Variants in DNAH3 observed in about 807,000 individuals in gnomAD.
DNAH3 encodes the protein axonemal beta dynein heavy chain 3.
Under a neutral mutation model 432.5 loss-of-function variants are expected in DNAH3, and 332 were observed. The observed-to-expected ratio is 0.77, with a 90% CI of 0.70 to 0.84. DNAH3 has a LOEUF of 0.84. Among genes scored for constraint, DNAH3 ranks in the 40% least tolerant of loss-of-function variants. DNAH3 has a pLI of 0.00. For missense variants in DNAH3, 4,861 were observed against 5,114.0 expected (o/e 0.95, Z 1.51); for synonymous variants, 1,956 against 1,900.2 (o/e 1.03, Z -0.76).
intron 59 of DNAH3, among the ~76,000 whole-genome samples, chr16:20,940,711 C>T (rs1485439254): frequency 4.0e-5 from 6 of 151,794 alleles, no homozygotes; most frequent in East Asian, 3.9e-4. Context: ...GAATTACAGG[C>T]GTTAGCCACT....
chr16:21,141,198 G>A, intron 4 of DNAH3, 102 bp downstream of exon 5: 2 of 838,694 alleles, frequency 2.4e-6, no homozygotes, highest in East Asian at 2.8e-5. Flanking sequence ...GATTATCTGG[G>A]AATGCTTTGA....
intron 43 of DNAH3, 135 bp downstream of exon 43, chr16:21,000,089 C>T (rs911858539): frequency 9.3e-6 from 8 of 861,666 alleles, no homozygotes; most frequent in Admixed American, 8.5e-5. Flanking sequence ...GAATACTAAG[C>T]TATATTAACT....
At position 21,048,965 on chromosome 16, in the gene DNAH3, A is replaced by C. The variant is rs376295486; in HGVS notation, c.4461+604T>G. Among the ~76,000 whole-genome samples, 70 of 151,922 alleles carry C rather than the reference A, an allele frequency of 4.6e-4. 2 individuals carry two copies. In the South Asian group the frequency reaches 0.014, roughly 31 times the overall value. On this transcript the variant is annotated intron_variant, in intron 31 of 61. Coordinates refer to ENST00000261383, the Ensembl canonical transcript of DNAH3. Reference sequence around the variant, plus strand: ...TGCCTTGGCCTCCCAAAGTGCTGAAATAACAGGTGTGAGCCACCGCGCTCA... The same window carrying C: ...TGCCTTGGCCTCCCAAAGTGCTGAACTAACAGGTGTGAGCCACCGCGCTCA...
At chr16:21,038,054 T>C in intron 33 of DNAH3, 74 bp from the exon 34 acceptor site, 1 of 1,377,162 alleles carries the variant, frequency 7.3e-7, no homozygotes, top group Non-Finnish European at 1.0e-6. Flanking sequence ...CCCAATATCC[T>C]TGTCCTTGCC....
chr16:20,938,357 T>C (rs1188499444), intron 59 of DNAH3, among the ~76,000 whole-genome samples: 4 of 149,908 alleles, frequency 2.7e-5, no homozygotes, highest in Non-Finnish European at 5.9e-5. Flanking sequence ...GCCATTGCAC[T>C]CCAGCCTGGG....
At chr16:20,959,937 AC>A (rs1160092778) in intron 53 of DNAH3, among the ~76,000 whole-genome samples, 1 of 152,220 alleles carries the variant, frequency 6.6e-6, no homozygotes, top group East Asian at 1.9e-4. Context: ...AGAGGTGAGC[AC>A]ATCAAATAAC....
intron 28 of DNAH3, among the ~76,000 whole-genome samples, chr16:21,054,084 C>CACA (rs1567708502): frequency 6.6e-6 from 1 of 152,134 alleles, no homozygotes; most frequent in Non-Finnish European, 1.5e-5. Context: ...AATCACTTAG[C>CACA]ACAAAGCCTG....
intron 43 of DNAH3, among the ~76,000 whole-genome samples, chr16:20,999,278 C>A (rs973614245): frequency 8.6e-5 from 13 of 152,004 alleles, no homozygotes; most frequent in Admixed American, 7.9e-4. Context: ...AGATTTGAAA[C>A]CAGATCTGTT....
chr16:20,941,440 A>G, exon 59 of DNAH3: 3 of 1,614,122 alleles, frequency 1.9e-6, no homozygotes, highest in Non-Finnish European at 1.7e-6. Flanking sequence ...GACGGTATTC[A>G]TGGATTCTTC....
chr16:21,107,069 T>A (rs1353469510), intron 14 of DNAH3, among the ~76,000 whole-genome samples: 1 of 151,316 alleles, frequency 6.6e-6, no homozygotes, highest in Non-Finnish European at 1.5e-5. Context: ...TATGTGGGTG[T>A]CAGAGCCAAG....
chr16:21,078,127 T>C (rs2091040334), intron 20 of DNAH3, among the ~76,000 whole-genome samples: 1 of 151,466 alleles, frequency 6.6e-6, no homozygotes, highest in African/African-American at 2.4e-5. Flanking sequence ...AATACAAAAT[T>C]AGCCAGGCAT....
rs896699071 is a variant in DNAH3, at chr16:21,049,687, A to G, written c.4348-5T>C. The stretch of plus-strand genomic sequence containing the variant: ...GGAGCAGTTGAAGACCACACACTAG[A>G]AAGAGGGAGGATGTGGGTATCATTC... On this transcript the variant is annotated splice_polypyrimidine_tract_variant and splice_region_variant and intron_variant, in intron 30 of 61. Transcript: ENST00000261383. 1 of 1,612,050 alleles carries G rather than the reference A, an allele frequency of 6.2e-7. No individual in the cohort carries two copies. The highest frequency in any genetic ancestry group is 8.5e-7 in the Non-Finnish European group (1 of 1,178,242).
At chr16:21,075,663 AGCACT>A in intron 20 of DNAH3, 102 bp from the exon 21 acceptor site, 1 of 907,868 alleles carries the variant, frequency 1.1e-6, no homozygotes, top group Non-Finnish European at 1.8e-6. Context: ...CTGTAATCCC[AGCACT>A]TTGGGAGGCC....
rs75733297 is a variant in DNAH3, at chr16:20,944,357, G to T, written c.11511+139C>A. 6.9e-4 allele frequency: 653 copies of T among 940,508 alleles called. 5 individuals are homozygous for T. In the African/African-American group the frequency reaches 0.01, roughly 14 times the overall value. 58.3% of individuals were successfully genotyped at this position (940,508 alleles called of 1,614,324 possible). A position where few individuals can be genotyped will look rare whatever the true frequency, so the allele number is the denominator to read the frequency against. ...AAGGACTCCCGGCAGTAAGGCCACA[G>T]TGCTCCTTCCCTGCCCTTGGCCAGG... is the stretch of plus-strand genomic sequence containing the variant. On this transcript the variant is annotated intron_variant, in intron 58 of 61. Coordinates refer to ENST00000261383, the Ensembl canonical transcript of DNAH3.
In DNAH3 at chr16:21,083,696, A is replaced by T. The variant is rs533972669; in HGVS notation, c.2878-1969T>A. Among the ~76,000 whole-genome samples, 17 of 141,598 alleles carry T rather than the reference A, an allele frequency of 1.2e-4. No homozygotes were observed. In the South Asian group the frequency reaches 1.7e-3, roughly 14 times the overall value. 92.9% of individuals were successfully genotyped at this position (141,598 alleles called of 152,430 possible). A position where few individuals can be genotyped will look rare whatever the true frequency, so the allele number is the denominator to read the frequency against. On this transcript the variant is annotated intron_variant, in intron 19 of 61. Transcript: ENST00000261383. ...TAGACTTGAGTGCTACAGATGGCTCATCCTTCAGATCCCCCTGCCAGAGCT... is the reference window on the plus strand; with the variant it reads ...TAGACTTGAGTGCTACAGATGGCTCTTCCTTCAGATCCCCCTGCCAGAGCT...
intron 20 of DNAH3, among the ~76,000 whole-genome samples, chr16:21,076,333 G>A (rs1050016167): frequency 6.6e-6 from 1 of 152,122 alleles, no homozygotes; most frequent in Non-Finnish European, 1.5e-5. Flanking sequence ...CAAGGAGAGA[G>A]GCCTCAGAAG....
chr16:21,073,617 T>C (rs547023384), intron 21 of DNAH3, among the ~76,000 whole-genome samples: 9 of 152,210 alleles, frequency 5.9e-5, no homozygotes, highest in Non-Finnish European at 1.2e-4. Flanking sequence ...AAGCAAGATC[T>C]TTCTGTCCAT....
intron 44 of DNAH3, 178 bp downstream of exon 44, chr16:20,997,105 C>T: frequency 5.1e-6 from 3 of 583,700 alleles, no homozygotes; most frequent in Non-Finnish European, 9.0e-6. Context: ...TGCCATCGTC[C>T]CCTTCTATTT....
At chr16:21,114,818 T>C (rs1254691733) in intron 12 of DNAH3, among the ~76,000 whole-genome samples, 1 of 152,218 alleles carries the variant, frequency 6.6e-6, no homozygotes, top group African/African-American at 2.4e-5. Flanking sequence ...TCAACCATTG[T>C]GGAAGACAGT....
Sources: gnomAD v4.1 joint callset for allele counts (sites outside exome capture counted in the v4.1 genomes callset) on GRCh38, gnomAD v4.1.1 for gene constraint, MANE v1.5 for transcripts, NCBI Gene and HGNC (gene_info 2026-07-23, HGNC 2026-07-21) for gene names.